Variants in GOLM2 observed in about 807,000 individuals in gnomAD.
The protein encoded by GOLM2 is protein GOLM2.
Under a neutral mutation model 55.9 loss-of-function variants are expected in GOLM2, and 26 were observed. The ratio of observed to expected loss-of-function variants is 0.47; its 90% CI spans 0.34 to 0.65. The LOEUF is 0.65. GOLM2 is among the 30% of genes least tolerant of loss of function. The pLI is 0.01. For missense variants in GOLM2, 486 were observed against 531.8 expected, an observed-to-expected ratio of 0.91 and a Z score of 0.85; for synonymous variants, 165 against 194.6, an observed-to-expected ratio of 0.85 and a Z score of 1.27.
At chr15:44,321,167 G>A (rs550485876) in intron 1 of GOLM2, among the ~76,000 whole-genome samples, 22 of 151,932 alleles carry the variant, frequency 1.4e-4, no homozygotes, top group Non-Finnish European at 2.6e-4. Context: ...TGGGGGTTGG[G>A]GGTGACTATA....
intron 8 of GOLM2, among the ~76,000 whole-genome samples, chr15:44,390,646 C>T (rs1428831147): frequency 1.3e-5 from 2 of 151,852 alleles, no homozygotes; most frequent in African/African-American, 2.4e-5. Context: ...GCTCACCCAC[C>T]GCAACCTCCA....
At chr15:44,299,003 G>A (rs999556033) in intron 1 of GOLM2, among the ~76,000 whole-genome samples, 3 of 152,116 alleles carry the variant, frequency 2.0e-5, no homozygotes, top group Admixed American at 6.6e-5. Flanking sequence ...TGCAGAGACC[G>A]CATGGCAGAT....
At chr15:44,335,962 G>A (rs1002244630) in intron 4 of GOLM2, among the ~76,000 whole-genome samples, 16 of 150,656 alleles carry the variant, frequency 1.1e-4, no homozygotes, top group African/African-American at 3.9e-4. Flanking sequence ...TTACAAGCAT[G>A]CGCCACCATG....
intron 4 of GOLM2, among the ~76,000 whole-genome samples, chr15:44,333,795 C>A (rs944687199): frequency 6.6e-6 from 1 of 152,020 alleles, no homozygotes; most frequent in Non-Finnish European, 1.5e-5. Context: ...CAGCTCACTG[C>A]AAGTTCCGCC....
chr15:44,369,066 ATTATATATATATATAT>A (rs1315053855), intron 6 of GOLM2, among the ~76,000 whole-genome samples: 5 of 60,078 alleles, frequency 8.3e-5, no homozygotes, highest in African/African-American at 2.2e-4. Flanking sequence ...AATAGGATAT[ATTATATATATATATAT>A]ATATATATAT....
chr15:44,361,854 T>A (rs2141172191), intron 6 of GOLM2, among the ~76,000 whole-genome samples: 1 of 152,234 alleles, frequency 6.6e-6, no homozygotes, highest in East Asian at 1.9e-4. Context: ...CATGATCAAG[T>A]GGGCTTCATC....
Position 44,380,972 on chromosome 15 carries a change from G to A in GOLM2, c.1068G>A (p.Lys356=). The change falls in exon 8 of 10, where the codon AAG becomes AAA. Residue 356 remains lysine, a synonymous_variant. Transcript: ENST00000299957. ...GAGTCAGTGATTTCCATAAATTGAA[G>A]CAAAGTAAGAATCAATTGATGAATA... is the stretch of plus-strand genomic sequence containing the variant. ...KDRVSDFHKL[K]QSRFFDENES... The A allele has an allele frequency of 2.6e-6, 4 of 1,546,862 alleles. No homozygotes were observed. The highest frequency in any genetic ancestry group is 2.0e-5 in the Admixed American group (1 of 50,586).
intron 1 of GOLM2, among the ~76,000 whole-genome samples, chr15:44,300,874 A>G (rs1413656024): frequency 1.3e-5 from 2 of 152,112 alleles, no homozygotes; most frequent in Non-Finnish European, 2.9e-5. Context: ...AATTAACTTT[A>G]TCTAATTTTC....
intron 6 of GOLM2, among the ~76,000 whole-genome samples, chr15:44,379,357 A>G (rs1311019937): frequency 1.3e-5 from 2 of 152,046 alleles, no homozygotes; most frequent in African/African-American, 4.8e-5. Context: ...AGCGCCTATA[A>G]TCCTAGCTAT....
At chr15:44,305,507 C>G (rs916594510) in intron 1 of GOLM2, among the ~76,000 whole-genome samples, 1 of 152,004 alleles carries the variant, frequency 6.6e-6, no homozygotes, top group African/African-American at 2.4e-5. Flanking sequence ...CCATGTTGCC[C>G]AGGCCCGTCT....
chr15:44,314,520 C>T (rs982269533), intron 1 of GOLM2, among the ~76,000 whole-genome samples: 2 of 149,254 alleles, frequency 1.3e-5, no homozygotes, highest in Non-Finnish European at 3.0e-5. Flanking sequence ...GATCGCACCA[C>T]TGCATTCCAC....
At chr15:44,405,814 G>T (rs1338106374) in intron 9 of GOLM2, among the ~76,000 whole-genome samples, 1 of 151,950 alleles carries the variant, frequency 6.6e-6, no homozygotes. Context: ...AGAGATGGGG[G>T]TTTCACCATG....
intron 8 of GOLM2, among the ~76,000 whole-genome samples, chr15:44,397,267 C>G (rs1223537025): frequency 6.6e-6 from 1 of 151,960 alleles, no homozygotes; most frequent in African/African-American, 2.4e-5. Context: ...ATCACGAGGT[C>G]AGGAGATCAA....
chr15:44,319,028 C>T (rs2078931345), intron 1 of GOLM2, among the ~76,000 whole-genome samples: 1 of 152,168 alleles, frequency 6.6e-6, no homozygotes, highest in African/African-American at 2.4e-5. Context: ...TCATCATCAT[C>T]TCCAGAAGCC....
intron 1 of GOLM2, among the ~76,000 whole-genome samples, chr15:44,295,917 T>TACAC (rs71421830): frequency 0.04 from 5,714 of 143,108 alleles, 132 homozygotes; most frequent in Non-Finnish European, 0.05. Flanking sequence ...CCACCACACA[T>TACAC]ACACACACAC....
chr15:44,298,265 C>CTTTTT (rs1244084019), intron 1 of GOLM2, among the ~76,000 whole-genome samples: 1 of 134,410 alleles, frequency 7.4e-6, no homozygotes, highest in Non-Finnish European at 1.6e-5. Context: ...TTTTCTTTTT[C>CTTTTT]TTTTTTTTTT....
chr15:44,353,790 A>G (rs1166117952), intron 6 of GOLM2, among the ~76,000 whole-genome samples: 1 of 152,170 alleles, frequency 6.6e-6, no homozygotes, highest in Non-Finnish European at 1.5e-5. Context: ...TGTGAAGCTT[A>G]TTGGGGAAGG....
chr15:44,304,517 C>G (rs2078822616), intron 1 of GOLM2, among the ~76,000 whole-genome samples: 1 of 152,138 alleles, frequency 6.6e-6, no homozygotes, highest in African/African-American at 2.4e-5. Context: ...GCTGGGACTA[C>G]AGGCATAAGC....
chr15:44,296,825 G>A (rs1209441755), intron 1 of GOLM2, among the ~76,000 whole-genome samples: 1 of 152,184 alleles, frequency 6.6e-6, no homozygotes, highest in Non-Finnish European at 1.5e-5. Flanking sequence ...TCCCATAGGT[G>A]TCTTAGCTGA....
Sources: gnomAD v4.1 joint callset for allele counts (sites outside exome capture counted in the v4.1 genomes callset) on GRCh38, gnomAD v4.1.1 for gene constraint, MANE v1.5 for transcripts, NCBI Gene and HGNC (gene_info 2026-07-23, HGNC 2026-07-21) for gene names.